The following ZFHX3 variants were observed in gnomAD, a reference collection of about 807,000 sequenced individuals.
The protein encoded by ZFHX3 is zinc finger homeobox 3, also known as zinc finger homeobox protein 3.
ZFHX3 carries 42 observed loss-of-function variants against 279.1 expected under a neutral mutation model. The observed-to-expected ratio is 0.15, with a 90% CI of 0.12 to 0.19. The LOEUF (loss-of-function observed/expected upper bound fraction) is 0.19, where lower values mean the gene tolerates loss of function less well. Ranked by LOEUF, ZFHX3 falls within the 10% of genes least tolerant of loss-of-function variation. The pLI is 1.00. For missense variants in ZFHX3, 4,981 were observed against 4,754.0 expected (o/e 1.05, Z -1.40); for synonymous variants, 2,293 against 1,957.8 (o/e 1.17, Z -4.52).
chr16:73,078,880 G>C (rs1205565318), intron 8 of ZFHX3, among the ~76,000 whole-genome samples: 1 of 151,728 alleles, frequency 6.6e-6, no homozygotes, highest in East Asian at 2.0e-4. Flanking sequence ...TCCTGACCTC[G>C]TGATCCACCT....
chr16:72,968,853 G>A (rs565382235), intron 1 of ZFHX3, among the ~76,000 whole-genome samples: 1 of 152,188 alleles, frequency 6.6e-6, no homozygotes, highest in Admixed American at 6.5e-5. Context: ...GAGGTGAAGG[G>A]GCACAATGCC....
chr16:73,886,554 G>A (rs976046490), intron 1 of ZFHX3, among the ~76,000 whole-genome samples: 2 of 152,156 alleles, frequency 1.3e-5, no homozygotes, highest in African/African-American at 4.8e-5. Context: ...TGAAGCCTTC[G>A]ACAGCATTAG....
chr16:73,752,460 C>CCATACTCTGTCTCTGTT (rs2053769860), intron 1 of ZFHX3, among the ~76,000 whole-genome samples: 1 of 152,102 alleles, frequency 6.6e-6, no homozygotes, highest in Non-Finnish European at 1.5e-5. Context: ...AAAATGGCAC[C>CCATACTCTGTCTCTGTT]CATACTCTGT....
chr16:73,127,261 G>T (rs112025829), intron 7 of ZFHX3: 2 of 1,133,938 alleles, frequency 1.8e-6, no homozygotes, highest in Admixed American at 2.7e-5. Flanking sequence ...AAAGGCTGCC[G>T]ATAGGAATGT....
In ZFHX3 at chr16:73,019,787, C is replaced by G. The variant is rs189682091; in HGVS notation, c.-50+27965G>C. Reference sequence around the variant, plus strand: ...AATCAGGGCTCACCCGCCCCCTTCCCTTTCTCTATGGCTTCTTCAAGATCT... The same window carrying G: ...AATCAGGGCTCACCCGCCCCCTTCCGTTTCTCTATGGCTTCTTCAAGATCT... On this transcript the variant is annotated intron_variant, in intron 1 of 9. Transcript: ENST00000268489. Among the ~76,000 whole-genome samples the G allele has an allele frequency of 1.2e-4, 18 of 152,330 alleles. No homozygotes were observed. The South Asian group carries it at 3.7e-3, about 32-fold the overall frequency.
intron 1 of ZFHX3, among the ~76,000 whole-genome samples, chr16:73,701,208 T>A (rs760555490): frequency 1.3e-5 from 2 of 152,236 alleles, no homozygotes; most frequent in Non-Finnish European, 2.9e-5. Flanking sequence ...TCATCTGTTA[T>A]TTGAAAATAA....
chr16:73,305,171 C>T lies in ZFHX3; in HGVS notation c.-1194+13069G>A, dbSNP rs139978493. Among the ~76,000 whole-genome samples, 367 of 152,206 alleles carry T rather than the reference C, an allele frequency of 2.4e-3. 2 individuals carry two copies. The highest frequency in any genetic ancestry group is 7.4e-3 in the African/African-American group (306 of 41,536). On this transcript the variant is annotated intron_variant, in intron 4 of 17. Transcript: ENST00000641206. ...AGCGGCATGAGCTGCCAACATGAGG[C>T]GGGGTGGCCAGGTGGGAGGAAGGTG...
intron 3 of ZFHX3, among the ~76,000 whole-genome samples, chr16:72,908,268 G>A (rs1235368716): frequency 6.6e-6 from 1 of 152,258 alleles, no homozygotes; most frequent in Admixed American, 6.5e-5. Context: ...AGCAGCCGTG[G>A]AGAAGAGGGA....
At chr16:73,618,823 T>C (rs1380183146) in intron 2 of ZFHX3, among the ~76,000 whole-genome samples, 4 of 152,174 alleles carry the variant, frequency 2.6e-5, no homozygotes. Flanking sequence ...ATCCTGGACA[T>C]TCATTCATGT....
intron 2 of ZFHX3, among the ~76,000 whole-genome samples, chr16:73,479,171 A>G (rs1238533277): frequency 2.0e-5 from 3 of 152,184 alleles, no homozygotes; most frequent in African/African-American, 7.2e-5. Context: ...ATGAGCTTGA[A>G]GATGGAAGCC....
At chr16:73,126,544 C>T (rs1272274974) in intron 7 of ZFHX3, 1 of 152,122 alleles carries the variant, frequency 6.6e-6, no homozygotes. Context: ...ACTTAGGGTA[C>T]ACGTTGGAAA....
chr16:73,452,640 C>T (rs1274799383), intron 3 of ZFHX3, among the ~76,000 whole-genome samples: 1 of 152,176 alleles, frequency 6.6e-6, no homozygotes, highest in South Asian at 2.1e-4. Context: ...GAAAACCATT[C>T]CTACTCCCAA....
chr16:73,551,653 A>T (rs1362232573), intron 2 of ZFHX3, among the ~76,000 whole-genome samples: 3 of 152,182 alleles, frequency 2.0e-5, no homozygotes, highest in Non-Finnish European at 2.9e-5. Context: ...TCTTAAAAGG[A>T]GTCAGTTTAT....
intron 1 of ZFHX3, among the ~76,000 whole-genome samples, chr16:72,969,845 C>T (rs1258756361): frequency 6.6e-6 from 1 of 152,176 alleles, no homozygotes; most frequent in East Asian, 1.9e-4. Context: ...ATAGGTGATT[C>T]CATCTGCTTG....
At chr16:73,530,526 G>C (rs115846135) in intron 2 of ZFHX3, among the ~76,000 whole-genome samples, 90 of 152,216 alleles carry the variant, frequency 5.9e-4, no homozygotes, top group South Asian at 2.1e-3. Context: ...TTCCAAATTA[G>C]AGTTCAGACA....
At chr16:73,506,252 T>C (rs536686555) in intron 2 of ZFHX3, among the ~76,000 whole-genome samples, 7 of 152,320 alleles carry the variant, frequency 4.6e-5, no homozygotes, top group African/African-American at 1.7e-4. Context: ...GAAATGCTAC[T>C]AGTTTCAAAA....
At chr16:73,791,813 A>T (rs1025934458) in intron 1 of ZFHX3, among the ~76,000 whole-genome samples, 1 of 152,234 alleles carries the variant, frequency 6.6e-6, no homozygotes, top group Admixed American at 6.5e-5. Flanking sequence ...GAACTTTCAA[A>T]TATGTATTAA....
chr16:73,679,830 C>T (rs2052992123), intron 2 of ZFHX3: 1 of 152,144 alleles, frequency 6.6e-6, no homozygotes, highest in Admixed American at 6.6e-5. Context: ...ACAGCCAGCA[C>T]CTCCCGTAGC....
intron 5 of ZFHX3, among the ~76,000 whole-genome samples, chr16:73,157,567 C>T (rs1178524353): frequency 6.7e-6 from 1 of 150,170 alleles, no homozygotes; most frequent in East Asian, 2.0e-4. Context: ...GGGGTCGAGT[C>T]ACTATCCCTT....
Sources: allele counts gnomAD v4.1 joint callset (sites outside exome capture counted in the v4.1 genomes callset), GRCh38; gene constraint gnomAD v4.1.1; transcripts MANE v1.5; gene names NCBI Gene and HGNC (gene_info 2026-07-23, HGNC 2026-07-21).